The following ITPR2 variants were observed in gnomAD, a reference collection of about 807,000 sequenced individuals.
ITPR2 encodes the protein inositol 1,4,5-trisphosphate receptor type 2.
ITPR2 carries 207 observed loss-of-function variants against 317.1 expected under a neutral mutation model. That is an observed-to-expected ratio of 0.65 (90% CI 0.58 to 0.73). The LOEUF is 0.73. ITPR2 is among the 30% of genes least tolerant of loss of function. ITPR2 has a pLI of 0.00. For missense variants in ITPR2, 2,613 were observed against 3,284.0 expected, an observed-to-expected ratio of 0.80 and a Z score of 4.99; for synonymous variants, 1,156 against 1,149.1, an observed-to-expected ratio of 1.01 and a Z score of -0.12.
chr12:26,608,268 T>C (rs1306883964), intron 26 of ITPR2, among the ~76,000 whole-genome samples: 1 of 152,194 alleles, frequency 6.6e-6, no homozygotes, highest in African/African-American at 2.4e-5. Flanking sequence ...CATAAGTTAA[T>C]AAAAAAAGTT....
chr12:26,624,182 C>G (rs1946564312), intron 24 of ITPR2, 117 bp downstream of exon 24: 1 of 675,516 alleles, frequency 1.5e-6, no homozygotes, highest in East Asian at 3.1e-5. Context: ...ATTATGTTAG[C>G]AACAATAGAG....
chr12:26,560,303 T>C (rs1284387747), intron 35 of ITPR2, among the ~76,000 whole-genome samples: 1 of 152,152 alleles, frequency 6.6e-6, no homozygotes, highest in Non-Finnish European at 1.5e-5. Context: ...TTCTTTTTTT[T>C]TCTCCTATCA....
intron 34 of ITPR2, among the ~76,000 whole-genome samples, chr12:26,562,924 A>G (rs1414966661): frequency 6.6e-6 from 1 of 152,200 alleles, no homozygotes; most frequent in African/African-American, 2.4e-5. Flanking sequence ...AATTAAAAAA[A>G]AAAAGAAATA....
intron 34 of ITPR2, among the ~76,000 whole-genome samples, chr12:26,562,882 G>C (rs781599138): frequency 6.6e-6 from 1 of 150,740 alleles, no homozygotes; most frequent in East Asian, 2.0e-4. Context: ...AAACCTGCAC[G>C]TTGTGCACAT....
intron 1 of ITPR2, among the ~76,000 whole-genome samples, chr12:26,801,524 C>CGGTG: frequency 6.6e-6 from 1 of 152,064 alleles, no homozygotes; most frequent in East Asian, 1.9e-4. Context: ...TTGATGTCAC[C>CGGTG]CTAGGGTTGG....
intron 21 of ITPR2, among the ~76,000 whole-genome samples, chr12:26,646,179 A>G (rs755382451): frequency 5.3e-5 from 8 of 151,964 alleles, no homozygotes; most frequent in African/African-American, 9.7e-5. Flanking sequence ...ATTACATACT[A>G]ATCTTCAAAT....
At chr12:26,784,674 C>T (rs538971722) in intron 2 of ITPR2, among the ~76,000 whole-genome samples, 1 of 150,892 alleles carries the variant, frequency 6.6e-6, no homozygotes, top group East Asian at 2.0e-4. Context: ...AGTGCAGTGG[C>T]GTGATCTCGG....
At chr12:26,431,724 A>G (rs1380445275) in intron 48 of ITPR2, among the ~76,000 whole-genome samples, 1 of 152,226 alleles carries the variant, frequency 6.6e-6, no homozygotes, top group Non-Finnish European at 1.5e-5. Context: ...GAAGAGGGCA[A>G]CTACTCTCTC....
chr12:26,391,588 A>G (rs1939849848), intron 54 of ITPR2, among the ~76,000 whole-genome samples: 1 of 75,744 alleles, frequency 1.3e-5, no homozygotes, highest in African/African-American at 6.0e-5. Context: ...TTTTTTTGAC[A>G]GAGTCTTGCT....
intron 55 of ITPR2, among the ~76,000 whole-genome samples, chr12:26,386,393 T>C (rs989825628): frequency 6.6e-6 from 1 of 152,190 alleles, no homozygotes; most frequent in Non-Finnish European, 1.5e-5. Context: ...CCAATTTACA[T>C]GTAGCTCTTT....
intron 5 of ITPR2, 81 bp downstream of exon 5, chr12:26,722,316 G>A (rs1948851966): frequency 1.3e-5 from 16 of 1,258,700 alleles, no homozygotes; most frequent in Non-Finnish European, 1.5e-5. Context: ...TTTCTTTTTT[G>A]TACTTTCTGG....
chr12:26,655,307 A>G (rs1947345207), intron 20 of ITPR2, among the ~76,000 whole-genome samples: 1 of 152,176 alleles, frequency 6.6e-6, no homozygotes, highest in East Asian at 1.9e-4. Context: ...AAAGCACCAA[A>G]TCTATCTTCT....
intron 21 of ITPR2, among the ~76,000 whole-genome samples, chr12:26,641,308 G>A (rs968566463): frequency 6.6e-6 from 1 of 152,036 alleles, no homozygotes; most frequent in South Asian, 2.1e-4. Context: ...CTCTTTCGTA[G>A]ATATGTACTA....
Position 26,725,644 on chromosome 12 carries a change from C to A in ITPR2, c.279+6G>T, listed in dbSNP as rs17480784. On this transcript the variant is annotated splice_donor_region_variant and intron_variant, in intron 3 of 56. Coordinates refer to ENST00000381340, the MANE Select transcript of ITPR2 (RefSeq NM_002223.4). ...TAAGCCAGACAATTGGAATCCTGGT[C>A]CTTACCTGTAGTTTCTTCAGCAAGG... is the stretch of plus-strand genomic sequence containing the variant. 3.8e-6 allele frequency: 6 copies of A among 1,596,154 alleles called. No individual in the cohort carries two copies. Among genetic ancestry groups the A allele is most frequent in the South Asian group, 2.2e-5 (2 of 90,532 alleles).
chr12:26,646,320 A>C (rs909148503), intron 21 of ITPR2, among the ~76,000 whole-genome samples: 1 of 152,042 alleles, frequency 6.6e-6, no homozygotes, highest in African/African-American at 2.4e-5. Flanking sequence ...CTCACCCATA[A>C]AGCAATATTT....
In ITPR2 at chr12:26,482,450, C is replaced by G. The variant is rs1942563588; in HGVS notation, c.6013-1209G>C. 2.6e-5 allele frequency among the ~76,000 whole-genome samples: 4 copies of G among 152,284 alleles called. No homozygotes were observed. The South Asian group carries it at 8.3e-4, about 32-fold the overall frequency. The stretch of plus-strand genomic sequence containing the variant: ...CTGGGGAACATTCTTACAAGCTTTC[C>G]TGGAAACAGCAGAAGAGACAAATGG... On this transcript the variant is annotated intron_variant, in intron 42 of 56. Coordinates refer to ENST00000381340, the MANE Select transcript of ITPR2 (RefSeq NM_002223.4).
At chr12:26,356,857 A>AT (rs766830733) in intron 55 of ITPR2, among the ~76,000 whole-genome samples, 2 of 151,914 alleles carry the variant, frequency 1.3e-5, no homozygotes, top group African/African-American at 4.8e-5. Context: ...CATTTTATAC[A>AT]TTTTTTCTAT....
At chr12:26,714,110 C>T (rs191897864) in intron 8 of ITPR2, among the ~76,000 whole-genome samples, 1 of 152,292 alleles carries the variant, frequency 6.6e-6, no homozygotes, top group East Asian at 1.9e-4. Flanking sequence ...GATTCTAAAC[C>T]ATGTCATAAA....
At chr12:26,438,948 G>A (rs1482163862) in intron 47 of ITPR2, among the ~76,000 whole-genome samples, 179 bp downstream of exon 47, 1 of 152,062 alleles carries the variant, frequency 6.6e-6, no homozygotes, top group South Asian at 2.1e-4. Flanking sequence ...CTTAAGCTGC[G>A]GGTGTCTCGG....
Sources: allele counts gnomAD v4.1 joint callset (sites outside exome capture counted in the v4.1 genomes callset), GRCh38; gene constraint gnomAD v4.1.1; transcripts MANE v1.5; gene names NCBI Gene and HGNC (gene_info 2026-07-23, HGNC 2026-07-21).